The following MTHFD1L variants were observed in gnomAD, a reference collection of about 807,000 sequenced individuals.
MTHFD1L encodes the protein monofunctional C1-tetrahydrofolate synthase, mitochondrial.
In MTHFD1L, 81 loss-of-function variants were observed where a neutral mutation model predicts 119.5. That is an observed-to-expected ratio of 0.68 (90% CI 0.57 to 0.82). The LOEUF is 0.82. Ranked by LOEUF, MTHFD1L falls within the 40% of genes least tolerant of loss-of-function variation. MTHFD1L has a pLI of 0.00. For missense variants in MTHFD1L, 1,125 were observed against 1,253.4 expected, an observed-to-expected ratio of 0.90 and a Z score of 1.55; for synonymous variants, 430 against 475.2, an observed-to-expected ratio of 0.90 and a Z score of 1.24.
chr6:150,920,827 C>T (rs1179269925), intron 9 of MTHFD1L, among the ~76,000 whole-genome samples: 1 of 152,044 alleles, frequency 6.6e-6, no homozygotes, highest in Non-Finnish European at 1.5e-5. Context: ...GGCTGGAATG[C>T]AGTGGCACGA....
intron 11 of MTHFD1L, among the ~76,000 whole-genome samples, chr6:150,932,874 A>AGAAG (rs55963703): frequency 0.19 from 26,645 of 142,858 alleles, 3,033 homozygotes; most frequent in African/African-American, 0.31. Context: ...CCTTAAGGAA[A>AGAAG]GAAGGAAGGA....
intron 24 of MTHFD1L, among the ~76,000 whole-genome samples, chr6:151,019,357 T>G (rs1358009273): frequency 6.6e-6 from 1 of 151,426 alleles, no homozygotes; most frequent in Non-Finnish European, 1.5e-5. Context: ...GAAAAAGAGG[T>G]CAGTAATCAG....
At chr6:151,015,950 G>A (rs919743740) in intron 24 of MTHFD1L, among the ~76,000 whole-genome samples, 14 of 152,154 alleles carry the variant, frequency 9.2e-5, no homozygotes, top group Non-Finnish European at 2.1e-4. Context: ...AGGTGGGCAT[G>A]GTGGCGTGCA....
chr6:150,942,320 A>G (rs803451), intron 13 of MTHFD1L, among the ~76,000 whole-genome samples: 97,064 of 152,104 alleles, frequency 0.64, 31,716 homozygotes, highest in African/African-American at 0.79. Flanking sequence ...TGTCAAATTG[A>G]CAAAATTGGA....
At chr6:150,889,119 G>A (rs960593183) in intron 7 of MTHFD1L, among the ~76,000 whole-genome samples, 6 of 152,158 alleles carry the variant, frequency 3.9e-5, no homozygotes, top group Admixed American at 1.3e-4. Flanking sequence ...AGGGGTTGCA[G>A]TGAGCCGCGA....
At chr6:151,036,592 G>A (rs1446377188) in intron 25 of MTHFD1L, among the ~76,000 whole-genome samples, 1 of 152,114 alleles carries the variant, frequency 6.6e-6, no homozygotes, top group African/African-American at 2.4e-5. Flanking sequence ...GAGCCTCGTC[G>A]CAGAGCCTTT....
chr6:150,900,302 C>A (rs1342729108), intron 7 of MTHFD1L, among the ~76,000 whole-genome samples: 1 of 152,126 alleles, frequency 6.6e-6, no homozygotes. Flanking sequence ...TTTCCCTTAG[C>A]CTGAATGAAA....
At chr6:150,994,372 G>C (rs971115543) in intron 20 of MTHFD1L, among the ~76,000 whole-genome samples, 1 of 152,158 alleles carries the variant, frequency 6.6e-6, no homozygotes, top group African/African-American at 2.4e-5. Flanking sequence ...GCCATACTTA[G>C]CTGCAAGACA....
At chr6:151,100,885 G>A (rs185555931) in intron 27 of MTHFD1L, among the ~76,000 whole-genome samples, 4 of 152,182 alleles carry the variant, frequency 2.6e-5, no homozygotes, top group Admixed American at 6.5e-5. Flanking sequence ...AAGGCTGGGC[G>A]TGGTGGTTCA....
chr6:150,994,620 A>G (rs1443504235), intron 20 of MTHFD1L, among the ~76,000 whole-genome samples: 1 of 152,192 alleles, frequency 6.6e-6, no homozygotes, highest in African/African-American at 2.4e-5. Flanking sequence ...AAATCAACCA[A>G]ACTGACCAGC....
In MTHFD1L at chr6:150,907,516, G is replaced by A. The variant is rs978785788; in HGVS notation, c.892+1755G>A. Among the ~76,000 whole-genome samples the A allele has an allele frequency of 2.0e-5, 3 of 152,232 alleles. No individual in the cohort carries two copies. In the East Asian group the frequency reaches 5.8e-4, roughly 29 times the overall value. On this transcript the variant is annotated intron_variant, in intron 8 of 27. Transcript: ENST00000367321. ...ATGGGATGTGAAAACAGAAAACAAC[G>A]TCCAAAAATGCTGGCAGCACAGTAC...
At chr6:151,032,539 G>A (rs1785496573) in intron 24 of MTHFD1L, among the ~76,000 whole-genome samples, 1 of 152,168 alleles carries the variant, frequency 6.6e-6, no homozygotes, top group Non-Finnish European at 1.5e-5. Context: ...ATTTCACCAT[G>A]AGATTTGGAG....
In MTHFD1L at chr6:150,965,105, A is replaced by C; in HGVS notation, c.2013+68A>C. 10 of 1,389,566 alleles carry C rather than the reference A, an allele frequency of 7.2e-6. No individual in the cohort carries two copies. In the South Asian group the frequency reaches 1.2e-4, roughly 16 times the overall value. The allele number at this position is 1,389,566 out of a possible 1,614,324, so 86.1% of individuals were successfully genotyped here. A position where few individuals can be genotyped will look rare whatever the true frequency, so the allele number is the denominator to read the frequency against. ...ATTGCCACACAATGTGAACATTTTTAGCCAATATGAGGCAGGCATAGAGCA... is the reference window on the plus strand; with the variant it reads ...ATTGCCACACAATGTGAACATTTTTCGCCAATATGAGGCAGGCATAGAGCA... On this transcript the variant is annotated intron_variant, in intron 19 of 27. Transcript: ENST00000367321.
intron 1 of MTHFD1L, among the ~76,000 whole-genome samples, chr6:150,870,036 T>C (rs1437533227): frequency 6.6e-6 from 1 of 152,028 alleles, no homozygotes; most frequent in Non-Finnish European, 1.5e-5. Flanking sequence ...TCCCAAAGTG[T>C]TGGGATTACA....
intron 20 of MTHFD1L, among the ~76,000 whole-genome samples, chr6:151,007,808 T>C (rs1052761298): frequency 2.6e-5 from 4 of 152,234 alleles, no homozygotes; most frequent in African/African-American, 7.2e-5. Context: ...TAAGTGATTT[T>C]CTCTGATTTT....
At chr6:150,958,425 C>T (rs1338201054) in intron 17 of MTHFD1L, among the ~76,000 whole-genome samples, 2 of 152,080 alleles carry the variant, frequency 1.3e-5, no homozygotes, top group Non-Finnish European at 1.5e-5. Context: ...TGATACTATC[C>T]TTAGGATATT....
chr6:151,091,396 C>T (rs1449241507), intron 26 of MTHFD1L, among the ~76,000 whole-genome samples: 1 of 152,158 alleles, frequency 6.6e-6, no homozygotes, highest in Admixed American at 6.5e-5. Flanking sequence ...GATCTAGACC[C>T]TGGAGCAGTG....
intron 17 of MTHFD1L, among the ~76,000 whole-genome samples, chr6:150,958,797 C>A (rs570684010): frequency 6.6e-6 from 1 of 152,170 alleles, no homozygotes; most frequent in African/African-American, 2.4e-5. Context: ...GAGCAGCCTT[C>A]CGCTATGCAC....
chr6:150,903,203 ATTTTTTTTTTTT>A (rs774695918), intron 7 of MTHFD1L, among the ~76,000 whole-genome samples: 27 of 85,474 alleles, frequency 3.2e-4, no homozygotes, highest in African/African-American at 4.0e-4. Flanking sequence ...TGGCTGCAAA[ATTTTTTTTTTTT>A]TTTTTTTTTT....
Sources: allele counts gnomAD v4.1 joint callset (sites outside exome capture counted in the v4.1 genomes callset), GRCh38; gene constraint gnomAD v4.1.1; transcripts MANE v1.5; gene names NCBI Gene and HGNC (gene_info 2026-07-23, HGNC 2026-07-21).